Variants in EYA4 observed in about 807,000 individuals in gnomAD.
EYA4 encodes the protein protein phosphatase EYA4.
A neutral mutation model predicts 87.9 loss-of-function variants in EYA4; 31 were observed. That is an observed-to-expected ratio of 0.35 (90% CI 0.27 to 0.48). EYA4 has a LOEUF of 0.48. EYA4 is among the 20% of genes least tolerant of loss of function. The pLI is 0.99. For missense variants in EYA4, 678 were observed against 761.4 expected (o/e 0.89, Z 1.29); for synonymous variants, 263 against 270.6 (o/e 0.97, Z 0.28).
chr6:133,299,172 G>C (rs1779172822), intron 2 of EYA4, among the ~76,000 whole-genome samples: 1 of 152,102 alleles, frequency 6.6e-6, no homozygotes, highest in Non-Finnish European at 1.5e-5. Context: ...ACTCCAATGG[G>C]ATGTCCTCAG....
chr6:133,293,709 G>A lies in EYA4; in HGVS notation c.33+18896G>A, dbSNP rs58932917. On this transcript the variant is annotated intron_variant, in intron 2 of 19. Coordinates refer to ENST00000355286, the MANE Select transcript of EYA4 (RefSeq NM_004100.5). The stretch of plus-strand genomic sequence containing the variant: ...CCAGCATTTTGGGAGGCTGAGGCCA[G>A]GGGATTTCTTGAGCCCAGGGGTTCG... Among the ~76,000 whole-genome samples the A allele has an allele frequency of 4.0e-4, 61 of 152,076 alleles. No individual in the cohort carries two copies. In the East Asian group the frequency reaches 8.7e-3, roughly 22 times the overall value.
At chr6:133,439,424 C>T (rs1000589695) in intron 3 of EYA4, 3 of 152,136 alleles carry the variant, frequency 2.0e-5, no homozygotes, top group Non-Finnish European at 4.4e-5. Flanking sequence ...AACTGCTTTT[C>T]TTGAGAAACT....
At chr6:133,316,077 T>A (rs1343725657) in intron 2 of EYA4, among the ~76,000 whole-genome samples, 1 of 152,186 alleles carries the variant, frequency 6.6e-6, no homozygotes, top group Non-Finnish European at 1.5e-5. Context: ...CTCATTGATG[T>A]CCCTGTGTAG....
intron 3 of EYA4, among the ~76,000 whole-genome samples, chr6:133,393,822 C>CATCGAATGATTTAATCCACTCT (rs1299929398): frequency 6.6e-6 from 1 of 152,044 alleles, no homozygotes; most frequent in African/African-American, 2.4e-5. Flanking sequence ...CACACATCTT[C>CATCGAATGATTTAATCCACTCT]TAAGACTAGG....
intron 17 of EYA4, among the ~76,000 whole-genome samples, 189 bp downstream of exon 17, chr6:133,515,624 T>G (rs141626936): frequency 5.7e-5 from 1 of 17,510 alleles, no homozygotes; most frequent in Non-Finnish European, 8.6e-5. Context: ...TGTGTGTGAG[T>G]GTGTGTGTGT....
At chr6:133,417,788 T>C (rs1789862987) in intron 3 of EYA4, among the ~76,000 whole-genome samples, 2 of 152,178 alleles carry the variant, frequency 1.3e-5, no homozygotes, top group Admixed American at 6.5e-5. Context: ...TCAAAGGGTT[T>C]AAATGTTTGC....
Position 133,242,150 on chromosome 6 carries a change from C to G in EYA4, c.-66+401C>G, listed in dbSNP as rs185587567. ...GAGGCGCGAGCATCGGGGTCTCCCC[C>G]ACATCTTTCTTATGACGTGTATTAC... On this transcript the variant is annotated intron_variant, in intron 1 of 19. Coordinates refer to ENST00000355286, the MANE Select transcript of EYA4 (RefSeq NM_004100.5). 1.7e-3 allele frequency among the ~76,000 whole-genome samples: 253 copies of G among 152,332 alleles called. 7 individuals are homozygous for G. The highest frequency in any genetic ancestry group is 0.014 in the Admixed American group (214 of 15,298).
At chr6:133,269,450 A>G (rs1776504443) in intron 1 of EYA4, among the ~76,000 whole-genome samples, 1 of 152,188 alleles carries the variant, frequency 6.6e-6, no homozygotes. Context: ...GTCACATTAT[A>G]TACATGTGTT....
chr6:133,479,597 A>AT (rs1446048401), intron 11 of EYA4, among the ~76,000 whole-genome samples: 1 of 152,220 alleles, frequency 6.6e-6, no homozygotes, highest in Non-Finnish European at 1.5e-5. Flanking sequence ...AAATTTAATG[A>AT]TAAAAAATAA....
chr6:133,322,011 T>G (rs1293299649), intron 2 of EYA4, among the ~76,000 whole-genome samples: 1 of 152,202 alleles, frequency 6.6e-6, no homozygotes, highest in East Asian at 1.9e-4. Flanking sequence ...GCCCTATGAC[T>G]TTGTATATTT....
intron 2 of EYA4, among the ~76,000 whole-genome samples, chr6:133,280,439 C>A (rs992452490): frequency 6.6e-6 from 1 of 151,860 alleles, no homozygotes; most frequent in Non-Finnish European, 1.5e-5. Flanking sequence ...TGGAGTCTTG[C>A]TCTGTTGAGT....
chr6:133,394,780 A>G (rs1432332422), intron 3 of EYA4, among the ~76,000 whole-genome samples: 1 of 152,250 alleles, frequency 6.6e-6, no homozygotes, highest in Non-Finnish European at 1.5e-5. Context: ...GACAAGTGAC[A>G]GTCTAATGAC....
At chr6:133,301,680 G>A (rs1779419252) in intron 2 of EYA4, among the ~76,000 whole-genome samples, 1 of 152,186 alleles carries the variant, frequency 6.6e-6, no homozygotes, top group African/African-American at 2.4e-5. Context: ...TTAATAACAT[G>A]TACAATATGA....
chr6:133,527,382 G>C (rs1042787693), intron 19 of EYA4, among the ~76,000 whole-genome samples: 32 of 152,142 alleles, frequency 2.1e-4, no homozygotes, highest in African/African-American at 7.7e-4. Flanking sequence ...TTTAGGAATA[G>C]GAATGTCTAG....
At chr6:133,359,427 G>A (rs1416417359) in intron 2 of EYA4, among the ~76,000 whole-genome samples, 1 of 152,174 alleles carries the variant, frequency 6.6e-6, no homozygotes, top group Non-Finnish European at 1.5e-5. Flanking sequence ...TGCCCTGTAA[G>A]ATCTTCTGAA....
chr6:133,426,583 G>T (rs1163625401), intron 3 of EYA4, among the ~76,000 whole-genome samples: 3 of 152,136 alleles, frequency 2.0e-5, no homozygotes, highest in Non-Finnish European at 2.9e-5. Flanking sequence ...CTTTAATTAT[G>T]TTATTTCCCC....
chr6:133,359,042 G>A (rs184986287), intron 2 of EYA4, among the ~76,000 whole-genome samples: 190 of 152,244 alleles, frequency 1.2e-3, no homozygotes, highest in African/African-American at 4.1e-3. Flanking sequence ...GGCCCTTTTT[G>A]TTTTCAAGAA....
intron 13 of EYA4, among the ~76,000 whole-genome samples, chr6:133,498,835 G>A (rs1797859977): frequency 6.6e-6 from 1 of 152,102 alleles, no homozygotes; most frequent in Non-Finnish European, 1.5e-5. Context: ...GCTACCTATT[G>A]TCTCCCCTTT....
chr6:133,531,063 T>G lies in EYA4; in HGVS notation c.*2258T>G. The G allele has an allele frequency of 2.1e-6, 3 of 1,407,546 alleles. No homozygotes were observed. The highest frequency in any genetic ancestry group is 2.8e-6 in the Non-Finnish European group (3 of 1,083,766). The allele number at this position is 1,407,546 out of a possible 1,614,324, so 87.2% of individuals were successfully genotyped here. On this transcript the variant is annotated 3_prime_UTR_variant, in exon 20 of 20. Coordinates refer to ENST00000355286, the MANE Select transcript of EYA4 (RefSeq NM_004100.5). ...CATTACATCTAAATTTGTAAGTCTT[T>G]TCATATCAAACAAGCAAGGCTTTTT...
Sources: gnomAD v4.1 joint callset for allele counts (sites outside exome capture counted in the v4.1 genomes callset) on GRCh38, gnomAD v4.1.1 for gene constraint, MANE v1.5 for transcripts, NCBI Gene and HGNC (gene_info 2026-07-23, HGNC 2026-07-21) for gene names.